The following HID1 variants were observed in gnomAD, a reference collection of about 807,000 sequenced individuals.
The protein encoded by HID1 is HID1 domain containing, also known as protein HID1.
A neutral mutation model predicts 89.7 loss-of-function variants in HID1; 42 were observed. The observed-to-expected ratio is 0.47, with a 90% CI of 0.37 to 0.61. The LOEUF (loss-of-function observed/expected upper bound fraction) is 0.61. Ranked by LOEUF, HID1 falls within the 20% of genes least tolerant of loss-of-function variation. HID1 has a pLI of 0.00. For missense variants in HID1, 854 were observed against 1,039.3 expected, an observed-to-expected ratio of 0.82 and a Z score of 2.45; for synonymous variants, 442 against 433.8, an observed-to-expected ratio of 1.02 and a Z score of -0.24.
In HID1 at chr17:74,959,973, C is replaced by T; in HGVS notation, c.952-36G>A. The T allele has an allele frequency of 6.2e-7, 1 of 1,613,568 alleles. No homozygotes were observed. The highest frequency in any genetic ancestry group is 8.5e-7 in the Non-Finnish European group (1 of 1,179,952). ...GAGAAGCCCCTGGTGAGCAGGCGTC[C>T]TCCCCACAACCCGTGGCCCCGGCAG... On this transcript the variant is annotated intron_variant, in intron 7 of 18. Transcript: ENST00000425042. This position sits in a 1 kb window ranked among gnomAD's most constrained non-coding sequence, Gnocchi z 4.6.
chr17:74,965,347 A>C (rs181639937), intron 1 of HID1, among the ~76,000 whole-genome samples: 4 of 152,334 alleles, frequency 2.6e-5, no homozygotes, highest in Non-Finnish European at 5.9e-5. Context: ...CCTCACCCAG[A>C]GCCCTTCAGG....
rs372557921 is a variant in HID1, at chr17:74,962,365, G to A, written c.505-25C>T. 1.4e-5 allele frequency: 22 copies of A among 1,543,918 alleles called. No homozygotes were observed. Among genetic ancestry groups the A allele is most frequent in the African/African-American group, 1.1e-4 (8 of 73,572 alleles). On this transcript the variant is annotated intron_variant, in intron 4 of 18. Transcript: ENST00000425042. This position sits in a 1 kb window ranked among gnomAD's most constrained non-coding sequence, Gnocchi z 4.3. Reference sequence around the variant, plus strand: ...CCTGGGGACAGGCCAGGAAGAAGCCGGGTTAGGGGGTCGAGAGGTGAACAG... The same window carrying A: ...CCTGGGGACAGGCCAGGAAGAAGCCAGGTTAGGGGGTCGAGAGGTGAACAG...
intron 1 of HID1, among the ~76,000 whole-genome samples, chr17:74,971,543 C>T (rs1277131936): frequency 6.6e-6 from 1 of 152,046 alleles, no homozygotes; most frequent in East Asian, 1.9e-4. Flanking sequence ...AGCTGGCTTC[C>T]TCCATCCCAC....
At position 74,959,146 on chromosome 17, in the gene HID1, C is replaced by T. The variant is rs1598623779; in HGVS notation, c.1009-95G>A. The T allele has an allele frequency of 7.2e-7, 1 of 1,381,696 alleles. No homozygotes were observed. Among genetic ancestry groups the T allele is most frequent in the African/African-American group, 1.4e-5 (1 of 69,232 alleles). 85.6% of individuals were successfully genotyped at this position (1,381,696 alleles called of 1,614,324 possible). On this transcript the variant is annotated intron_variant, in intron 8 of 18. Transcript: ENST00000425042. The surrounding 1 kb of genome is among the most constrained non-coding windows in gnomAD (Gnocchi z 4.6). ...CCCCAACAAATCCCCCCCTCCATCC[C>T]CCAGAGCCAGATCCCACCTCCAGAG...
intron 12 of HID1, among the ~76,000 whole-genome samples, chr17:74,957,687 G>A (rs1464700833): frequency 6.6e-6 from 1 of 151,758 alleles, no homozygotes; most frequent in Non-Finnish European, 1.5e-5. Flanking sequence ...ATCATCTGAG[G>A]TCAGGAGTTC....
chr17:74,959,913 C>T lies in HID1; in HGVS notation c.976G>A (p.Val326Met). 1.2e-6 allele frequency: 2 copies of T among 1,613,740 alleles called. No individual in the cohort carries two copies. The highest frequency in any genetic ancestry group is 1.7e-5 in the Admixed American group (1 of 60,034). ...CGATGGATGCGGGACAGGTAGTTCA[C>T]AAACAGGTTCTCAGGGCCTGGAGGC... is the stretch of plus-strand genomic sequence containing the variant. ...ADPPGPENLF[V>M]NYLSRIHREE... is the part of the protein sequence containing the mutation. The change falls in exon 8 of 19, where the codon GTG becomes ATG. Residue 326 changes from valine (V) to methionine (M), a missense_variant. Val to Met is a conservative substitution (Grantham distance 21, BLOSUM62 1). Transcript: ENST00000425042. The surrounding 1 kb of genome is among the most constrained non-coding windows in gnomAD (Gnocchi z 4.6).
Position 74,972,682 on chromosome 17 carries a change from C to G in HID1, c.-26G>C. ...GTCTCTGGAGCCCGCTCCGGCCCGGCCCCCGCCCAGACTCCAACCCGGCTC... is the reference window on the plus strand; with the variant it reads ...GTCTCTGGAGCCCGCTCCGGCCCGGGCCCCGCCCAGACTCCAACCCGGCTC... On this transcript the variant is annotated 5_prime_UTR_variant, in exon 1 of 19. Coordinates refer to ENST00000425042, the MANE Select transcript of HID1 (RefSeq NM_030630.3). This position sits in a 1 kb window ranked among gnomAD's most constrained non-coding sequence, Gnocchi z 6.4. 18 of 1,528,610 alleles carry G rather than the reference C, an allele frequency of 1.2e-5. No individual in the cohort carries two copies. The highest frequency in any genetic ancestry group is 2.5e-5 in the South Asian group (2 of 81,616). 94.7% of individuals were successfully genotyped at this position (1,528,610 alleles called of 1,614,324 possible).
rs774453688 is a variant in HID1, at chr17:74,958,405, C to T, written c.1314G>A (p.Arg438=). ...LLSGERNFGV[R]LNKPYSIRVP... is the part of the protein sequence containing the mutation. ...CGCGGATTGAGTAGGGTTTGTTCAG[C>T]CGCACCCCGAAGTTCCGCTCCCCGC... is the stretch of plus-strand genomic sequence containing the variant. Residue 438 remains arginine, a synonymous_variant, in exon 11 of 19, where the codon CGG becomes CGA. Coordinates refer to ENST00000425042, the MANE Select transcript of HID1 (RefSeq NM_030630.3). The surrounding 1 kb of genome is among the most constrained non-coding windows in gnomAD (Gnocchi z 5.2). 6.2e-7 allele frequency: 1 copy of T among 1,609,414 alleles called. No homozygotes were observed. The highest frequency in any genetic ancestry group is 8.5e-7 in the Non-Finnish European group (1 of 1,177,896).
intron 1 of HID1, among the ~76,000 whole-genome samples, chr17:74,971,574 G>T (rs1363173279): frequency 6.6e-6 from 1 of 152,176 alleles, no homozygotes; most frequent in Non-Finnish European, 1.5e-5. Flanking sequence ...AGCAGCAAGA[G>T]AGAGCCCTGG....
Position 74,958,038 on chromosome 17 carries a change from C to T in HID1, c.1471+103G>A, listed in dbSNP as rs1209937386. 1 of 1,019,866 alleles carries T rather than the reference C, an allele frequency of 9.8e-7. No individual in the cohort carries two copies. The highest frequency in any genetic ancestry group is 1.5e-6 in the Non-Finnish European group (1 of 683,876). The allele number at this position is 1,019,866 out of a possible 1,614,324, so 63.2% of individuals were successfully genotyped here. On this transcript the variant is annotated intron_variant, in intron 12 of 18. Coordinates refer to ENST00000425042, the MANE Select transcript of HID1 (RefSeq NM_030630.3). This position sits in a 1 kb window ranked among gnomAD's most constrained non-coding sequence, Gnocchi z 5.2. ...AAGGGTACACAAGCTTGCGTTCTTT[C>T]TGTGGGCTGGAGGGGCTTGAAACCT...
At chr17:74,956,388 C>A (rs2039390853) in intron 12 of HID1, among the ~76,000 whole-genome samples, 1 of 152,202 alleles carries the variant, frequency 6.6e-6, no homozygotes, top group Admixed American at 6.5e-5. Context: ...GAACGTCAAG[C>A]TGCCATGTCA....
chr17:74,951,685 G>C (rs1159724528), intron 18 of HID1, 52 bp from the exon 19 acceptor site: 1 of 1,554,798 alleles, frequency 6.4e-7, no homozygotes, highest in Non-Finnish European at 8.8e-7. Flanking sequence ...TGCAGACAAG[G>C]CACCAGGAGG....
intron 16 of HID1, 124 bp downstream of exon 16, chr17:74,952,882 G>A (rs1375419073): frequency 2.1e-5 from 15 of 714,280 alleles, no homozygotes; most frequent in Non-Finnish European, 3.4e-5. Context: ...AGGGTCCTTT[G>A]ATTCGGACAT....
intron 1 of HID1, among the ~76,000 whole-genome samples, chr17:74,968,797 C>A (rs563908500): frequency 1.3e-5 from 2 of 152,226 alleles, no homozygotes; most frequent in Admixed American, 1.3e-4. Flanking sequence ...GCTACTACCC[C>A]CTTCAAAGGG....
Position 74,972,468 on chromosome 17 carries a change from T to TG in HID1, c.66+122dup. ...CGGGGTCCCGTTCCGGCGCTGGCCTTGGCGTTACGCTCGGGGCCCGCCCGT... is the reference window on the plus strand; with the variant it reads ...CGGGGTCCCGTTCCGGCGCTGGCCTTGGGCGTTACGCTCGGGGCCCGCCCGT... On this transcript the variant is annotated intron_variant, in intron 1 of 18. Transcript: ENST00000425042. This position sits in a 1 kb window ranked among gnomAD's most constrained non-coding sequence, Gnocchi z 6.4. 3 of 935,698 alleles carry TG rather than the reference T, an allele frequency of 3.2e-6. No individual in the cohort carries two copies. Among genetic ancestry groups the TG allele is most frequent in the Non-Finnish European group, 4.7e-6 (3 of 637,238 alleles). 58.0% of individuals were successfully genotyped at this position (935,698 alleles called of 1,614,324 possible).
rs774796422 is a variant in HID1, at chr17:74,962,326, G to A, written c.519C>T (p.Asp173=). ...HRRSTVDSAE[D]VHSLDSCEYI... Reference sequence around the variant, plus strand: ...ATTCACAGCTGTCCAGGGAGTGGACGTCCTCTGCCGAGTCCTGGGGACAGG... The same window carrying A: ...ATTCACAGCTGTCCAGGGAGTGGACATCCTCTGCCGAGTCCTGGGGACAGG... Residue 173 remains aspartate, a synonymous_variant, in exon 5 of 19, where the codon GAC becomes GAT. Coordinates refer to ENST00000425042, the MANE Select transcript of HID1 (RefSeq NM_030630.3). This position sits in a 1 kb window ranked among gnomAD's most constrained non-coding sequence, Gnocchi z 4.3. 7.5e-6 allele frequency: 12 copies of A among 1,609,338 alleles called. No homozygotes were observed. The highest frequency in any genetic ancestry group is 6.7e-5 in the Admixed American group (4 of 59,860).
intron 15 of HID1, 152 bp downstream of exon 15, chr17:74,953,393 G>T: frequency 1.6e-6 from 1 of 638,110 alleles, no homozygotes. Context: ...CCCCAAGGGA[G>T]TCAGCAGCGC....
At position 74,951,896 on chromosome 17, in the gene HID1, G is replaced by A. The variant is rs368118680; in HGVS notation, c.2303+9C>T. The A allele has an allele frequency of 1.4e-5, 21 of 1,508,042 alleles. No homozygotes were observed. Among genetic ancestry groups the A allele is most frequent in the Middle Eastern group, 3.8e-4 (2 of 5,316 alleles). 93.4% of individuals were successfully genotyped at this position (1,508,042 alleles called of 1,614,324 possible). On this transcript the variant is annotated intron_variant, in intron 18 of 18. Coordinates refer to ENST00000425042, the MANE Select transcript of HID1 (RefSeq NM_030630.3). ...TCAGGTGGACACCACCCCACTCCCC[G>A]GGGCCCACCTCAGATAGATGACGCC...
chr17:74,957,020 C>T (rs1052803304), intron 12 of HID1, among the ~76,000 whole-genome samples: 1 of 152,210 alleles, frequency 6.6e-6, no homozygotes, highest in African/African-American at 2.4e-5. Context: ...AGTCCTAACA[C>T]GTGTGCTGCA....
Sources: gnomAD v4.1 joint callset for allele counts (sites outside exome capture counted in the v4.1 genomes callset) on GRCh38, gnomAD v4.1.1 for gene constraint, Gnocchi (gnomAD v3.1) non-coding constraint, MANE v1.5 for transcripts, NCBI Gene and HGNC (gene_info 2026-07-23, HGNC 2026-07-21) for gene names.